FSTL4: variants seen among roughly 807,000 people sequenced by gnomAD.
FSTL4 encodes the protein follistatin like 4.
Under a neutral mutation model 78.2 loss-of-function variants are expected in FSTL4, and 28 were observed. That is an observed-to-expected ratio of 0.36 (90% CI 0.27 to 0.49). The LOEUF (loss-of-function observed/expected upper bound fraction) is 0.49. Ranked by LOEUF, FSTL4 falls within the 20% of genes least tolerant of loss-of-function variation. The probability of loss-of-function intolerance (pLI) is 0.98; values close to 1 mark genes in which losing one functional copy is unlikely to be tolerated. For synonymous variants in FSTL4, 422 were observed against 440.5 expected (o/e 0.96, Z 0.53); for missense variants, 922 against 1,084.9 (o/e 0.85, Z 2.11).
chr5:133,554,570 CA>C (rs1372154172), intron 3 of FSTL4, among the ~76,000 whole-genome samples: 3 of 152,176 alleles, frequency 2.0e-5, no homozygotes, highest in Non-Finnish European at 4.4e-5. Context: ...TTCTCGTGGG[CA>C]AGAAACAATT....
intron 3 of FSTL4, among the ~76,000 whole-genome samples, chr5:133,506,481 G>T (rs1051250922): frequency 1.3e-5 from 2 of 152,254 alleles, no homozygotes; most frequent in South Asian, 2.1e-4. Context: ...TGATGAGCAG[G>T]GAGGAAACAG....
chr5:133,660,734 C>T, the FSTL4 span, among the ~76,000 whole-genome samples: 1 of 152,186 alleles, frequency 6.6e-6, no homozygotes, highest in African/African-American at 2.4e-5. Flanking sequence ...TACCTATTTG[C>T]TCAGTGTCTT....
At chr5:133,312,539 C>A in intron 6 of FSTL4, 115 bp downstream of exon 6, 1 of 868,408 alleles carries the variant, frequency 1.2e-6, no homozygotes, top group Non-Finnish European at 1.9e-6. Context: ...CAGCTTTCCT[C>A]TGTATAAGAA....
chr5:133,652,036 A>G, the FSTL4 span, among the ~76,000 whole-genome samples: 1 of 150,920 alleles, frequency 6.6e-6, no homozygotes, highest in African/African-American at 2.5e-5. Context: ...CAAATTTGTG[A>G]GCTTAGAGTT....
In FSTL4 at chr5:133,306,958, C is replaced by T. The variant is rs1284185673; in HGVS notation, c.727+5696G>A. The stretch of plus-strand genomic sequence containing the variant: ...CCATCATTGACCTGGTTAATGTTTG[C>T]CTAATATTTACTATAGGCAAAGTCT... On this transcript the variant is annotated intron_variant, in intron 6 of 15. Transcript: ENST00000265342. Among the ~76,000 whole-genome samples the T allele has an allele frequency of 5.3e-5, 8 of 152,276 alleles. No individual in the cohort carries two copies. The East Asian group carries it at 1.3e-3, about 26-fold the overall frequency.
chr5:133,812,967 A>G, the FSTL4 span, among the ~76,000 whole-genome samples: 15 of 152,348 alleles, frequency 9.8e-5, no homozygotes, highest in African/African-American at 3.4e-4. Flanking sequence ...GAGGTTTCCA[A>G]AAGACAGTTC....
chr5:133,424,955 C>T (rs1048529250), intron 3 of FSTL4, among the ~76,000 whole-genome samples: 4 of 152,122 alleles, frequency 2.6e-5, no homozygotes, highest in Admixed American at 2.0e-4. Flanking sequence ...AATAGATAAC[C>T]TAATCAAAAG....
At chr5:133,686,080 T>C in the FSTL4 span, among the ~76,000 whole-genome samples, 1 of 152,262 alleles carries the variant, frequency 6.6e-6, no homozygotes, top group African/African-American at 2.4e-5. Context: ...GGGATTTTTG[T>C]TTTCTCCCCT....
the FSTL4 span, among the ~76,000 whole-genome samples, chr5:133,812,878 A>G: frequency 6.6e-6 from 1 of 151,978 alleles, no homozygotes; most frequent in Non-Finnish European, 1.5e-5. Flanking sequence ...ATATTTCCCA[A>G]CTCTATGACC....
chr5:133,700,872 T>G, the FSTL4 span, among the ~76,000 whole-genome samples: 1 of 152,366 alleles, frequency 6.6e-6, no homozygotes, highest in South Asian at 2.1e-4. Flanking sequence ...GGCCTTCATT[T>G]GGAAGTTCCA....
At chr5:133,835,463 G>A in the FSTL4 span, among the ~76,000 whole-genome samples, 1 of 152,180 alleles carries the variant, frequency 6.6e-6, no homozygotes, top group Non-Finnish European at 1.5e-5. Flanking sequence ...ACCTGTTCCT[G>A]AAATTTGTTC....
intron 4 of FSTL4, among the ~76,000 whole-genome samples, chr5:133,316,913 G>A (rs928990313): frequency 3.9e-5 from 6 of 152,156 alleles, no homozygotes; most frequent in African/African-American, 1.4e-4. Context: ...TATTTGTTGA[G>A]CACCACTACA....
chr5:133,330,547 A>T (rs1391487822), intron 4 of FSTL4, among the ~76,000 whole-genome samples: 1 of 152,168 alleles, frequency 6.6e-6, no homozygotes. Context: ...TCCCACCCCC[A>T]TGATCCAATC....
intron 3 of FSTL4, among the ~76,000 whole-genome samples, chr5:133,538,882 G>C (rs374843770): frequency 6.6e-6 from 1 of 152,118 alleles, no homozygotes; most frequent in Admixed American, 6.6e-5. Flanking sequence ...CTGGGAGAGC[G>C]GGGGGCTAGC....
intron 3 of FSTL4, among the ~76,000 whole-genome samples, chr5:133,480,421 C>T (rs1758004130): frequency 1.3e-5 from 2 of 152,224 alleles, no homozygotes; most frequent in Admixed American, 6.5e-5. Flanking sequence ...GCTTCATGGT[C>T]ATCCTGCGGC....
intron 3 of FSTL4, among the ~76,000 whole-genome samples, chr5:133,562,101 G>C (rs12659117): frequency 0.19 from 28,726 of 152,152 alleles, 3,088 homozygotes; most frequent in Admixed American, 0.22. Flanking sequence ...TCTTTCCCCA[G>C]ATGGCAGTCT....
intron 6 of FSTL4, among the ~76,000 whole-genome samples, chr5:133,311,039 C>G (rs1753767448): frequency 6.6e-6 from 1 of 152,132 alleles, no homozygotes; most frequent in African/African-American, 2.4e-5. Flanking sequence ...AAATGTCCCC[C>G]CTTCCCCTTT....
At chr5:133,459,307 CCCTTCCT>C (rs1757550147) in intron 3 of FSTL4, among the ~76,000 whole-genome samples, 1 of 151,936 alleles carries the variant, frequency 6.6e-6, no homozygotes, top group African/African-American at 2.4e-5. Context: ...TGCAGGGCAG[CCCTTCCT>C]CCAAAGCAGT....
At chr5:133,307,343 G>A (rs1753678904) in intron 6 of FSTL4, among the ~76,000 whole-genome samples, 1 of 152,208 alleles carries the variant, frequency 6.6e-6, no homozygotes, top group African/African-American at 2.4e-5. Flanking sequence ...AGGACAGTGA[G>A]ATTCTCTTCA....
Sources: gnomAD v4.1 joint callset for allele counts (sites outside exome capture counted in the v4.1 genomes callset) on GRCh38, gnomAD v4.1.1 for gene constraint, MANE v1.5 for transcripts, NCBI Gene and HGNC (gene_info 2026-07-23, HGNC 2026-07-21) for gene names.